The following PPP2R3A variants were observed in gnomAD, a reference collection of about 807,000 sequenced individuals.
PPP2R3A encodes the protein protein phosphatase 2 regulatory subunit B''alpha, also known as serine/threonine-protein phosphatase 2A regulatory subunit B'' subunit alpha.
A neutral mutation model predicts 106.9 loss-of-function variants in PPP2R3A; 80 were observed. The observed-to-expected ratio is 0.75, with a 90% CI of 0.62 to 0.90. The LOEUF is 0.90. Among genes scored for constraint, PPP2R3A ranks in the 40% least tolerant of loss-of-function variants. The probability of loss-of-function intolerance (pLI) is 0.00; values close to 1 mark genes in which losing one functional copy is unlikely to be tolerated. For missense variants in PPP2R3A, 1,386 were observed against 1,350.4 expected, an observed-to-expected ratio of 1.03 and a Z score of -0.41; for synonymous variants, 483 against 468.3, an observed-to-expected ratio of 1.03 and a Z score of -0.41.
In PPP2R3A at chr3:135,972,246, C is replaced by T. The variant is rs377727883; in HGVS notation, c.-441+6397C>T. Among the ~76,000 whole-genome samples, 20 of 152,302 alleles carry T rather than the reference C, an allele frequency of 1.3e-4. No individual in the cohort carries two copies. In the East Asian group the frequency reaches 3.9e-3, roughly 29 times the overall value. On this transcript the variant is annotated intron_variant, in intron 1 of 13. Transcript: ENST00000264977. ...ACAATATGTAACCTTTTGTGCCTGG[C>T]TTCTTTCATTCAGCACAATGTATAC...
chr3:136,121,978 A>G (rs1938012614), intron 13 of PPP2R3A, among the ~76,000 whole-genome samples: 1 of 152,224 alleles, frequency 6.6e-6, no homozygotes, highest in Non-Finnish European at 1.5e-5. Context: ...ATATTTTAAG[A>G]TAACCTTTAA....
intron 13 of PPP2R3A, among the ~76,000 whole-genome samples, chr3:136,131,598 G>A (rs191737358): frequency 1.3e-5 from 2 of 152,218 alleles, no homozygotes; most frequent in Admixed American, 6.5e-5. Flanking sequence ...TGTGGAAGAC[G>A]GTGTGGCGAT....
Position 136,003,287 on chromosome 3 carries a change from AG to A in PPP2R3A, c.1790del (p.Ser597ThrfsTer9), listed in dbSNP as rs755984325. Reference sequence around the variant, plus strand: ...AGCCCTCTTACTGCGAATCCTGGAAAGCATTGAAGACTTTGCTCAAGAACTA... The same window carrying A: ...AGCCCTCTTACTGCGAATCCTGGAAACATTGAAGACTTTGCTCAAGAACTA... ...DRALLLRILESIEDFAQELVE... is the reference protein window; with the variant it reads ...DRALLLRILEXIEDFAQELVE... On this transcript the variant is annotated frameshift_variant, in exon 2 of 14. Transcript: ENST00000264977. LOFTEE classifies it high-confidence loss of function. 6.2e-7 allele frequency: 1 copy of A among 1,613,820 alleles called. No homozygotes were observed. Among genetic ancestry groups the A allele is most frequent in the Non-Finnish European group, 8.5e-7 (1 of 1,179,938 alleles).
chr3:136,093,348 G>A (rs1168873552), intron 10 of PPP2R3A, among the ~76,000 whole-genome samples: 2 of 152,188 alleles, frequency 1.3e-5, no homozygotes, highest in African/African-American at 4.8e-5. Context: ...GGCAGAGGTT[G>A]CAGTGAGTTG....
intron 2 of PPP2R3A, among the ~76,000 whole-genome samples, chr3:136,018,914 T>C (rs960689328): frequency 6.6e-6 from 1 of 152,092 alleles, no homozygotes; most frequent in African/African-American, 2.4e-5. Flanking sequence ...GAGAAAGATA[T>C]ATGGAATGGT....
At position 136,001,347 on chromosome 3, in the gene PPP2R3A, A is replaced by G; in HGVS notation, c.-152A>G. ...GATAGTGACCAAACCTCAAATATAA[A>G]TGGTTTCCCTTCATGGGAAAAGCCA... On this transcript the variant is annotated 5_prime_UTR_variant, in exon 2 of 14. An upstream start codon of the reference 5' UTR is lost. Coordinates refer to ENST00000264977, the MANE Select transcript of PPP2R3A (RefSeq NM_002718.5). 3.0e-6 allele frequency: 2 copies of G among 662,222 alleles called. No individual in the cohort carries two copies. Among genetic ancestry groups the G allele is most frequent in the Non-Finnish European group, 5.1e-6 (2 of 395,530 alleles). The allele number at this position is 662,222 out of a possible 1,614,324, so 41.0% of individuals were successfully genotyped here.
At chr3:136,015,746 TTA>T (rs745311758) in intron 2 of PPP2R3A, among the ~76,000 whole-genome samples, 1 of 152,118 alleles carries the variant, frequency 6.6e-6, no homozygotes, top group Non-Finnish European at 1.5e-5. Context: ...TCAATTTTGT[TTA>T]TATTTTCAAA....
At chr3:136,088,716 A>G (rs545192278) in intron 9 of PPP2R3A, among the ~76,000 whole-genome samples, 4 of 152,224 alleles carry the variant, frequency 2.6e-5, no homozygotes, top group African/African-American at 4.8e-5. Context: ...CTAACAGTGT[A>G]TAAGTATTCC....
chr3:136,064,414 T>TA (rs1054649267), intron 5 of PPP2R3A, among the ~76,000 whole-genome samples: 9 of 148,074 alleles, frequency 6.1e-5, no homozygotes, highest in South Asian at 2.1e-4. Context: ...ACTTAAAGTA[T>TA]AAAAAAAAAA....
rs763816908 is a variant in PPP2R3A at position 136,003,477 on chromosome 3, C to G, written c.1979C>G (p.Thr660Ser). 1 of 1,606,186 alleles carries G rather than the reference C, an allele frequency of 6.2e-7. No homozygotes were observed. The highest frequency in any genetic ancestry group is 8.5e-7 in the Non-Finnish European group (1 of 1,176,820). Residue 660 changes from threonine to serine, a missense_variant, in exon 2 of 14, where the codon ACT becomes AGT. By Grantham distance (58) the Thr-to-Ser change is moderately conservative. Coordinates refer to ENST00000264977, the MANE Select transcript of PPP2R3A (RefSeq NM_002718.5). ...ACTTCAGCAGTTTTGATTCAGCAGA[C>G]TCCAGAGGTGATCAAGGTAAGACCC... ...DTTSAVLIQQTPEVIKIQNKP... is the reference protein window; with the variant it reads ...DTTSAVLIQQSPEVIKIQNKP...
intron 5 of PPP2R3A, among the ~76,000 whole-genome samples, chr3:136,068,469 G>T (rs1182446887): frequency 6.6e-6 from 1 of 152,136 alleles, no homozygotes; most frequent in African/African-American, 2.4e-5. Context: ...AGTGAGCTGA[G>T]ATCGCACCAC....
At chr3:136,136,061 AAAAAAAAAAAAAT>A (rs1938601708) in intron 13 of PPP2R3A, among the ~76,000 whole-genome samples, 2 of 47,322 alleles carry the variant, frequency 4.2e-5, no homozygotes, top group African/African-American at 1.0e-4. Flanking sequence ...AAAAAAAAAA[AAAAAAAAAAAAAT>A]TATATATATA....
chr3:136,059,192 A>T, intron 5 of PPP2R3A, among the ~76,000 whole-genome samples: 1 of 152,122 alleles, frequency 6.6e-6, no homozygotes, highest in Non-Finnish European at 1.5e-5. Context: ...TCAACAGACT[A>T]AACAGACAGC....
intron 3 of PPP2R3A, among the ~76,000 whole-genome samples, chr3:136,038,821 G>C (rs2107842022): frequency 6.6e-6 from 1 of 152,304 alleles, no homozygotes; most frequent in South Asian, 2.1e-4. Context: ...TTAATTGTGA[G>C]CTTTGCACCT....
intron 6 of PPP2R3A, among the ~76,000 whole-genome samples, chr3:136,072,532 C>T (rs963112539): frequency 6.6e-6 from 1 of 152,178 alleles, no homozygotes; most frequent in Non-Finnish European, 1.5e-5. Flanking sequence ...GTGGAGGTTG[C>T]AGTGAGCTGA....
chr3:136,040,190 A>G (rs1935218296), intron 3 of PPP2R3A, among the ~76,000 whole-genome samples: 1 of 152,236 alleles, frequency 6.6e-6, no homozygotes, highest in Non-Finnish European at 1.5e-5. Flanking sequence ...TGAAGGACAT[A>G]TATTACAACT....
chr3:136,017,869 C>G lies in PPP2R3A; in HGVS notation c.1996-8963C>G, dbSNP rs560493164. Among the ~76,000 whole-genome samples, 7 of 152,310 alleles carry G rather than the reference C, an allele frequency of 4.6e-5. No homozygotes were observed. The South Asian group carries it at 1.2e-3, about 27-fold the overall frequency. On this transcript the variant is annotated intron_variant, in intron 2 of 13. Transcript: ENST00000264977. ...TTATAGCTTTGCTGCCTGCATTATT[C>G]CAACTGCCTTTCCTACTCTAAGGCC...
intron 2 of PPP2R3A, among the ~76,000 whole-genome samples, chr3:136,016,721 T>C (rs573093180): frequency 2.0e-5 from 3 of 152,290 alleles, no homozygotes; most frequent in East Asian, 1.9e-4. Context: ...GTTAGGTGAG[T>C]CTCTTAAAGA....
rs540352233 is a variant in PPP2R3A, at chr3:136,011,229, T to C, written c.1995+7736T>C. ...CCTTTCCCCCTCTACTGTTTTTTTT[T>C]CCCCTAACACTTATCACCCCCTGAT... On this transcript the variant is annotated intron_variant, in intron 2 of 13. Transcript: ENST00000264977. Among the ~76,000 whole-genome samples, 20 of 152,176 alleles carry C rather than the reference T, an allele frequency of 1.3e-4. No homozygotes were observed. The East Asian group carries it at 2.9e-3, about 22-fold the overall frequency.
Sources: allele counts gnomAD v4.1 joint callset (sites outside exome capture counted in the v4.1 genomes callset), GRCh38; gene constraint gnomAD v4.1.1; transcripts MANE v1.5; gene names NCBI Gene and HGNC (gene_info 2026-07-23, HGNC 2026-07-21).